TBX3: variants seen among roughly 807,000 people sequenced by gnomAD.
TBX3 encodes T-box transcription factor 3, also known as T-box transcription factor TBX3.
Under a neutral mutation model 47.8 loss-of-function variants are expected in TBX3, and 11 were observed. The observed-to-expected ratio is 0.23, with a 90% CI of 0.14 to 0.38. The LOEUF (loss-of-function observed/expected upper bound fraction) is 0.38. Ranked by LOEUF, TBX3 falls within the 10% of genes least tolerant of loss-of-function variation. The pLI is 1.00. For synonymous variants in TBX3, 500 were observed against 449.3 expected (o/e 1.11, Z -1.43); for missense variants, 927 against 1,022.8 (o/e 0.91, Z 1.28).
chr12:114,671,479 T>C lies in TBX3; in HGVS notation c.*362A>G, dbSNP rs937073382. On this transcript the variant is annotated 3_prime_UTR_variant, in exon 7 of 7. Transcript: ENST00000349155. ...CTTGACACAGTGAAGGAAAAATATA[T>C]ATATAAATCCGCACTGAGGGAGATG... The C allele has an allele frequency of 4.5e-5, 15 of 336,322 alleles. No individual in the cohort carries two copies. The highest frequency in any genetic ancestry group is 3.1e-4 in the African/African-American group (15 of 48,710). The allele number at this position is 336,322 out of a possible 1,614,324, so 20.8% of individuals were successfully genotyped here. A position where few individuals can be genotyped will look rare whatever the true frequency, so the allele number is the denominator to read the frequency against.
chr12:114,676,990 T>G (rs954306873), intron 4 of TBX3, among the ~76,000 whole-genome samples: 1 of 152,178 alleles, frequency 6.6e-6, no homozygotes, highest in African/African-American at 2.4e-5. Flanking sequence ...AAAAATATAT[T>G]TAGCTGTTAG....
At chr12:114,681,961 A>C (rs1010576047) in intron 1 of TBX3, among the ~76,000 whole-genome samples, 4 of 152,264 alleles carry the variant, frequency 2.6e-5, no homozygotes, top group Non-Finnish European at 5.9e-5. Context: ...GGAAGGAGAC[A>C]GAACGCTTAA....
At chr12:114,679,229 G>A (rs1291670059) in intron 3 of TBX3, among the ~76,000 whole-genome samples, 3 of 152,076 alleles carry the variant, frequency 2.0e-5, no homozygotes, top group Admixed American at 1.3e-4. Context: ...AAGAGGGGGG[G>A]AGGAGTGGGT....
At position 114,672,122 on chromosome 12, in the gene TBX3, C is replaced by T; in HGVS notation, c.1891G>A (p.Asp631Asn). The T allele has an allele frequency of 6.4e-7, 1 of 1,569,636 alleles. No homozygotes were observed. The highest frequency in any genetic ancestry group is 8.6e-7 in the Non-Finnish European group (1 of 1,157,496). Residue 631 changes from aspartate (D) to asparagine (N), a missense_variant, in exon 7 of 7, where the codon GAC (aspartate) becomes AAC (asparagine). Asp to Asn is a conservative substitution (Grantham distance 23). Around this residue, in one of 5 missense-constraint regions of TBX3, gnomAD observed 623 missense variants for 569.0 expected, o/e 1.09. Transcript: ENST00000349155. ...GCGGTGGTGAGCAGACTGCTGCCGT[C>T]CGGGACCGGCACCGGGATGGAGTAG... ...SPYSIPVPVP[D>N]GSSLLTTALP...
chr12:114,674,432 G>T lies in TBX3; in HGVS notation c.1443C>A (p.Leu481=). Reference sequence around the variant, plus strand: ...GGCCCGCCAGGCCCGGGGCGAAGCCGAGGCCAGGCAGGGGGCCCTGGGCCA... The same window carrying T: ...GGCCCGCCAGGCCCGGGGCGAAGCCTAGGCCAGGCAGGGGGCCCTGGGCCA... The part of the protein sequence containing the change: ...AHLAQGPLPG[L]GFAPGLAGQQ... The change falls in exon 6 of 7, where the codon CTC becomes CTA. Residue 481 remains leucine, a synonymous_variant. Coordinates refer to ENST00000349155, the MANE Select transcript of TBX3 (RefSeq NM_005996.4). The T allele has an allele frequency of 6.5e-7, 1 of 1,548,848 alleles. No homozygotes were observed.
chr12:114,673,469 C>T (rs1026213960), intron 6 of TBX3, among the ~76,000 whole-genome samples: 2 of 152,206 alleles, frequency 1.3e-5, no homozygotes, highest in African/African-American at 2.4e-5. Flanking sequence ...ACATTTCCCA[C>T]GTGTGCACAA....
chr12:114,672,265 TA>T lies in TBX3; in HGVS notation c.1747del (p.Tyr583ThrfsTer29). On this transcript the variant is annotated frameshift_variant, in exon 7 of 7. Transcript: ENST00000349155. LOFTEE classifies it high-confidence loss of function. ...CGCTGCGGCCATGTACGTGTAGGGG[TA>T]AGGGAACAGGCTTCCGAAAGGGGAC... ...AMSPFGSLFP[Y>X]PYTYMAAAAA... is the part of the protein sequence containing the mutation. The T allele has an allele frequency of 6.4e-7, 1 of 1,574,262 alleles. No homozygotes were observed. The highest frequency in any genetic ancestry group is 1.9e-5 in the Admixed American group (1 of 53,824).
chr12:114,676,137 C>T lies in TBX3; in HGVS notation c.1039+176G>A, dbSNP rs143613505. Among the ~76,000 whole-genome samples the T allele has an allele frequency of 4.1e-3, 621 of 152,272 alleles. 2 individuals are homozygous for T. Among genetic ancestry groups the T allele is most frequent in the African/African-American group, 0.014 (593 of 41,554 alleles). The stretch of plus-strand genomic sequence containing the variant: ...CTGTGCTCTCCTTCTACTGCCTTAG[C>T]GGGGAAGGGGAGACACACCTGATAG... On this transcript the variant is annotated intron_variant, in intron 5 of 6. Transcript: ENST00000349155.
intron 3 of TBX3, among the ~76,000 whole-genome samples, 175 bp downstream of exon 3, chr12:114,679,330 T>G (rs981417292): frequency 6.6e-6 from 1 of 152,068 alleles, no homozygotes; most frequent in Non-Finnish European, 1.5e-5. Context: ...AGTCAAGGTG[T>G]TTTTCTGTCT....
chr12:114,675,579 G>A (rs986874120), intron 5 of TBX3, among the ~76,000 whole-genome samples: 1 of 152,090 alleles, frequency 6.6e-6, no homozygotes, highest in Non-Finnish European at 1.5e-5. Flanking sequence ...ATGGATTGAA[G>A]ACATAAAGGA....
rs891297699 is a variant in TBX3 at position 114,670,445 on chromosome 12, A to G, written c.*1396T>C. 1.8e-5 allele frequency: 4 copies of G among 217,290 alleles called. No homozygotes were observed. The Admixed American group carries it at 2.3e-4, about 13-fold the overall frequency. 13.5% of individuals were successfully genotyped at this position (217,290 alleles called of 1,614,324 possible). On this transcript the variant is annotated 3_prime_UTR_variant, in exon 7 of 7. Transcript: ENST00000349155. ...CTATAGGCAGGCACCAATTCAAAAC[A>G]CCGATACTGACAACAGTAGTAAATT...
chr12:114,677,939 G>GA (rs1868776372), intron 3 of TBX3, among the ~76,000 whole-genome samples: 1 of 151,954 alleles, frequency 6.6e-6, no homozygotes, highest in Non-Finnish European at 1.5e-5. Context: ...CATCAAGAGG[G>GA]AAAACCTGTA....
intron 5 of TBX3, among the ~76,000 whole-genome samples, chr12:114,675,483 A>AT (rs1341660380): frequency 6.6e-6 from 1 of 152,230 alleles, no homozygotes; most frequent in Non-Finnish European, 1.5e-5. Flanking sequence ...ACGATCATAG[A>AT]TTCTTTTTTC....
At position 114,679,799 on chromosome 12, in the gene TBX3, C is replaced by A. The variant is rs7134236; in HGVS notation, c.658-148G>T. 1,166 of 1,525,512 alleles carry A rather than the reference C, an allele frequency of 7.6e-4. 7 individuals are homozygous for A. The African/African-American group carries it at 0.013, about 17-fold the overall frequency. The allele number at this position is 1,525,512 out of a possible 1,614,324, so 94.5% of individuals were successfully genotyped here. On this transcript the variant is annotated intron_variant, in intron 2 of 6. Coordinates refer to ENST00000349155, the MANE Select transcript of TBX3 (RefSeq NM_005996.4). ...ACCTCCTTGGAGTACCCCCTGGGTA[C>A]GTTTCGCTCCACAGATGTTATCTTC...
intron 5 of TBX3, among the ~76,000 whole-genome samples, chr12:114,675,342 C>G (rs1868658891): frequency 6.6e-6 from 1 of 152,196 alleles, no homozygotes; most frequent in Non-Finnish European, 1.5e-5. Context: ...TGGCAAGAAC[C>G]CTGACATCTG....
In TBX3 at chr12:114,674,671, G is replaced by A. The variant is rs376074487; in HGVS notation, c.1204C>T (p.Pro402Ser). The A allele has an allele frequency of 1.2e-6, 2 of 1,607,558 alleles. No individual in the cohort carries two copies. Among genetic ancestry groups the A allele is most frequent in the African/African-American group, 2.7e-5 (2 of 74,922 alleles). ...TTGTCCAGCCGCCCGCTGTCCCGGGGCCGCTCAGCAGCGAAAAGGTGAGCC... is the reference window on the plus strand; with the variant it reads ...TTGTCCAGCCGCCCGCTGTCCCGGGACCGCTCAGCAGCGAAAAGGTGAGCC... ...VKAHLFAAER[P>S]RDSGRLDKAS... is the part of the protein sequence containing the mutation. Residue 402 changes from proline (P) to serine (S), a missense_variant, in exon 6 of 7, where the codon CCC (proline) becomes TCC (serine). By Grantham distance (74) the Pro-to-Ser change is moderately conservative. Around this residue, in one of 5 missense-constraint regions of TBX3, gnomAD observed 623 missense variants for 569.0 expected, o/e 1.09. Transcript: ENST00000349155.
At chr12:114,673,306 C>G (rs1868531257) in intron 6 of TBX3, among the ~76,000 whole-genome samples, 2 of 152,184 alleles carry the variant, frequency 1.3e-5, no homozygotes, top group East Asian at 1.9e-4. Context: ...TGTGCTCAGA[C>G]AAAACAAAAG....
chr12:114,678,920 C>G (rs1365822685), intron 3 of TBX3, among the ~76,000 whole-genome samples: 4 of 152,016 alleles, frequency 2.6e-5, no homozygotes. Flanking sequence ...AAGCCTCAGA[C>G]AACTCGATTA....
chr12:114,675,535 G>C (rs540016501), intron 5 of TBX3, among the ~76,000 whole-genome samples: 45 of 152,156 alleles, frequency 3.0e-4, no homozygotes, highest in African/African-American at 1.1e-3. Flanking sequence ...CAGAAGAAAA[G>C]AAAAAGGGAT....
Sources: allele counts gnomAD v4.1 joint callset (sites outside exome capture counted in the v4.1 genomes callset), GRCh38; gene constraint gnomAD v4.1.1; regional missense constraint gnomAD v4.1.1; transcripts MANE v1.5; gene names NCBI Gene and HGNC (gene_info 2026-07-23, HGNC 2026-07-21).